CCDC7: variants seen among roughly 807,000 people sequenced by gnomAD.
CCDC7 encodes the protein coiled-coil domain-containing protein 7.
A neutral mutation model predicts 196.9 loss-of-function variants in CCDC7; 183 were observed. That is an observed-to-expected ratio of 0.93 (90% confidence interval 0.82 to 1.05). The LOEUF is 1.05. Ranked by LOEUF, CCDC7 falls within the 50% of genes least tolerant of loss-of-function variation. The pLI is 0.00. For synonymous variants in CCDC7, 525 were observed against 484.6 expected (o/e 1.08, Z -1.10); for missense variants, 1,540 against 1,482.2 (o/e 1.04, Z -0.64).
chr10:32,605,669 T>G (rs1456977764), intron 18 of CCDC7, among the ~76,000 whole-genome samples: 1 of 152,206 alleles, frequency 6.6e-6, no homozygotes, highest in African/African-American at 2.4e-5. Flanking sequence ...AAGTTTAGAC[T>G]TAGGGTATCT....
At chr10:32,676,971 A>C (rs550180652) in intron 21 of CCDC7, among the ~76,000 whole-genome samples, 3 of 152,204 alleles carry the variant, frequency 2.0e-5, no homozygotes, top group African/African-American at 7.2e-5. Flanking sequence ...AACCAACCCA[A>C]ATGTCCAACA....
intron 5 of CCDC7, among the ~76,000 whole-genome samples, chr10:32,464,549 G>T (rs759292783): frequency 4.6e-5 from 7 of 152,110 alleles, no homozygotes; most frequent in Non-Finnish European, 1.0e-4. Flanking sequence ...CATTCTGGTT[G>T]CCCTGGCTGG....
upstream of CCDC7, among the ~76,000 whole-genome samples, chr10:32,445,753 G>A (rs1321496209): frequency 6.6e-6 from 1 of 152,174 alleles, no homozygotes; most frequent in Non-Finnish European, 1.5e-5. Context: ...GTACACTTCC[G>A]TGCGAGCTTA....
At chr10:32,587,321 A>C (rs887954387) in intron 18 of CCDC7, among the ~76,000 whole-genome samples, 2 of 152,188 alleles carry the variant, frequency 1.3e-5, no homozygotes, top group African/African-American at 4.8e-5. Context: ...GTCCAAGGTC[A>C]AGGGACCTGC....
At chr10:32,589,978 C>G (rs2059635248) in intron 18 of CCDC7, among the ~76,000 whole-genome samples, 1 of 151,996 alleles carries the variant, frequency 6.6e-6, no homozygotes, top group African/African-American at 2.4e-5. Flanking sequence ...TATACTCAAC[C>G]AATCATTGGA....
chr10:32,595,678 T>G (rs2060260701), intron 18 of CCDC7, among the ~76,000 whole-genome samples: 1 of 152,226 alleles, frequency 6.6e-6, no homozygotes, highest in East Asian at 1.9e-4. Context: ...TTGTCGGCAT[T>G]TAGTGCTATA....
exon 9 of CCDC7, chr10:32,491,982 C>T (rs760161326): frequency 1.2e-5 from 19 of 1,574,940 alleles, no homozygotes; most frequent in Non-Finnish European, 1.5e-5. Context: ...GAAAACCAGG[C>T]AAATATGTTG....
chr10:32,752,360 C>A (rs2075793554), intron 28 of CCDC7, among the ~76,000 whole-genome samples: 1 of 152,120 alleles, frequency 6.6e-6, no homozygotes, highest in African/African-American at 2.4e-5. Flanking sequence ...CCAAGACATG[C>A]CTGTCACCAT....
At chr10:32,611,615 A>G (rs10740858) in intron 18 of CCDC7, among the ~76,000 whole-genome samples, 68,030 of 152,022 alleles carry the variant, frequency 0.45, 15,983 homozygotes, top group East Asian at 0.58. Flanking sequence ...TAAGGAAGGG[A>G]TCCAGTTTCA....
chr10:32,677,784 TTAAA>T (rs2075257870), intron 21 of CCDC7, among the ~76,000 whole-genome samples: 1 of 152,292 alleles, frequency 6.6e-6, no homozygotes, highest in African/African-American at 2.4e-5. Flanking sequence ...CATTATTTCT[TTAAA>T]TAAGCCTTCT....
intron 41 of CCDC7, among the ~76,000 whole-genome samples, chr10:32,868,052 A>G (rs532615890): frequency 3.2e-4 from 48 of 151,798 alleles, no homozygotes; most frequent in African/African-American, 1.1e-3. Context: ...TTCACTTAGC[A>G]TAATGTCTTC....
At chr10:32,566,986 T>TTATA (rs987350546) in intron 14 of CCDC7, among the ~76,000 whole-genome samples, 1 of 108,944 alleles carries the variant, frequency 9.2e-6, no homozygotes, top group African/African-American at 3.9e-5. Context: ...TATAACATAT[T>TTATA]TATATATAAA....
At chr10:32,881,799 G>C (rs1257099436), downstream of CCDC7, among the ~76,000 whole-genome samples, 3 of 152,060 alleles carry the variant, frequency 2.0e-5, no homozygotes, top group Admixed American at 2.0e-4. Flanking sequence ...AAACCCTTCA[G>C]TTTGGGCAGA....
chr10:32,632,676 T>C (rs2065040655), intron 18 of CCDC7, among the ~76,000 whole-genome samples: 1 of 152,112 alleles, frequency 6.6e-6, no homozygotes, highest in Non-Finnish European at 1.5e-5. Flanking sequence ...CTAGTCTCCC[T>C]TATGATTTTT....
At chr10:32,464,566 G>C (rs544327711) in intron 5 of CCDC7, among the ~76,000 whole-genome samples, 1 of 152,286 alleles carries the variant, frequency 6.6e-6, no homozygotes, top group African/African-American at 2.4e-5. Flanking sequence ...CTGGACTGCA[G>C]TGATTTGATC....
At chr10:32,721,056 G>A (rs551111212) in intron 25 of CCDC7, among the ~76,000 whole-genome samples, 1 of 152,080 alleles carries the variant, frequency 6.6e-6, no homozygotes, top group Non-Finnish European at 1.5e-5. Context: ...TCACACAACT[G>A]TGCTCCATTC....
chr10:32,578,410 T>C (rs1274779320), intron 16 of CCDC7, among the ~76,000 whole-genome samples: 1 of 151,678 alleles, frequency 6.6e-6, no homozygotes, highest in African/African-American at 2.4e-5. Context: ...TTCATTATAA[T>C]ATATAATGAA....
At chr10:32,752,758 C>T (rs1160104936) in intron 28 of CCDC7, among the ~76,000 whole-genome samples, 1 of 152,018 alleles carries the variant, frequency 6.6e-6, no homozygotes, top group Non-Finnish European at 1.5e-5. Context: ...TATCTGTACC[C>T]ATAAGATTTC....
chr10:32,701,429 T>C (rs113406723), intron 24 of CCDC7, among the ~76,000 whole-genome samples: 8,070 of 152,276 alleles, frequency 0.053, 712 homozygotes, highest in African/African-American at 0.18. Flanking sequence ...CAGTATTTTA[T>C]TGAGGATTTT....
Sources: gnomAD v4.1 joint callset for allele counts (sites outside exome capture counted in the v4.1 genomes callset) on GRCh38, gnomAD v4.1.1 for gene constraint, MANE v1.5 for transcripts, NCBI Gene and HGNC (gene_info 2026-07-23, HGNC 2026-07-21) for gene names.